NBEA: variants seen among roughly 807,000 people sequenced by gnomAD.
The protein encoded by NBEA is neurobeachin, also known as lysosomal-trafficking regulator 2.
Under a neutral mutation model 343.4 loss-of-function variants are expected in NBEA, and 44 were observed. That is an observed-to-expected ratio of 0.13 (90% CI 0.10 to 0.16). NBEA has a LOEUF of 0.16. Ranked by LOEUF, NBEA falls within the 10% of genes least tolerant of loss-of-function variation. The pLI is 1.00. For missense variants in NBEA, 2,555 were observed against 3,631.3 expected (o/e 0.70, Z 7.62); for synonymous variants, 1,175 against 1,238.7 (o/e 0.95, Z 1.08).
At chr13:35,309,044 T>G (rs2037183839) in intron 35 of NBEA, among the ~76,000 whole-genome samples, 1 of 152,056 alleles carries the variant, frequency 6.6e-6, no homozygotes, top group Non-Finnish European at 1.5e-5. Context: ...ATTAAGTAAT[T>G]TGGAATGTAC....
intron 36 of NBEA, among the ~76,000 whole-genome samples, chr13:35,323,049 C>T (rs1472080609): frequency 6.6e-6 from 1 of 151,896 alleles, no homozygotes; most frequent in Non-Finnish European, 1.5e-5. Context: ...GGGGTTCTGC[C>T]ATGTTGCCCA....
intron 56 of NBEA, 27 bp from the exon 57 acceptor site, chr13:35,667,347 C>T (rs2085410816): frequency 1.2e-6 from 2 of 1,601,090 alleles, no homozygotes; most frequent in South Asian, 1.1e-5. Flanking sequence ...CCCAACTGAC[C>T]CTGGCATTGA....
chr13:35,594,724 C>T (rs147163818), intron 47 of NBEA, among the ~76,000 whole-genome samples: 1 of 151,852 alleles, frequency 6.6e-6, no homozygotes, highest in African/African-American at 2.4e-5. Context: ...AGAATTAATA[C>T]AGAAAATGGG....
intron 26 of NBEA, 88 bp downstream of exon 26, chr13:35,171,540 A>G (rs550272125): frequency 6.2e-4 from 645 of 1,035,810 alleles, no homozygotes; most frequent in Non-Finnish European, 8.4e-4. Context: ...TATTAATGAT[A>G]TAAGTTGATG....
At chr13:35,143,703 C>CTAAGCTTCTG (rs1215865003) in intron 18 of NBEA, among the ~76,000 whole-genome samples, 6 of 151,952 alleles carry the variant, frequency 3.9e-5, no homozygotes, top group African/African-American at 1.4e-4. Flanking sequence ...AAGGGAGATG[C>CTAAGCTTCTG]TAAGCTTCTG....
chr13:35,222,873 A>G (rs749686693), intron 33 of NBEA, among the ~76,000 whole-genome samples: 27 of 152,190 alleles, frequency 1.8e-4, no homozygotes, highest in Non-Finnish European at 3.7e-4. Flanking sequence ...TCACACCTGT[A>G]ATTCCAGCAC....
rs560490990 is a variant in NBEA, at chr13:35,440,507, C to T, written c.6304+8114C>T. Among the ~76,000 whole-genome samples, 8 of 152,020 alleles carry T rather than the reference C, an allele frequency of 5.3e-5. No individual in the cohort carries two copies. The South Asian group carries it at 1.0e-3, about 20-fold the overall frequency. ...TGAAGAAATATATTTTAGCTGGAGT[C>T]GAAAGGATGAATGGAAGTCTTCCCA... On this transcript the variant is annotated intron_variant, in intron 39 of 58. Transcript: ENST00000379939.
At chr13:35,012,883 T>C (rs1301546209) in intron 1 of NBEA, among the ~76,000 whole-genome samples, 1 of 152,154 alleles carries the variant, frequency 6.6e-6, no homozygotes, top group East Asian at 1.9e-4. Flanking sequence ...AGAAATTTTG[T>C]AAGTAAGAGA....
intron 38 of NBEA, among the ~76,000 whole-genome samples, chr13:35,416,938 T>C (rs1235712011): frequency 6.6e-6 from 1 of 152,162 alleles, no homozygotes; most frequent in Non-Finnish European, 1.5e-5. Context: ...TATTCAGGGA[T>C]TGAACTTCTT....
intron 27 of NBEA, among the ~76,000 whole-genome samples, chr13:35,175,800 G>A (rs1349989892): frequency 6.6e-6 from 1 of 151,924 alleles, no homozygotes; most frequent in Non-Finnish European, 1.5e-5. Context: ...GAATGCAGTG[G>A]GAAAGTTTCT....
chr13:35,352,378 G>A, intron 38 of NBEA, 55 bp downstream of exon 38: 2 of 993,156 alleles, frequency 2.0e-6, no homozygotes, highest in Non-Finnish European at 2.7e-6. Flanking sequence ...TATAATAGTT[G>A]GTAATAAAAA....
At chr13:35,288,804 G>A (rs1300459890) in intron 34 of NBEA, among the ~76,000 whole-genome samples, 1 of 151,796 alleles carries the variant, frequency 6.6e-6, no homozygotes, top group East Asian at 1.9e-4. Flanking sequence ...ATGATCCTTT[G>A]GCCTTTTACT....
At chr13:34,985,003 T>C (rs979344775) in intron 1 of NBEA, among the ~76,000 whole-genome samples, 2 of 151,094 alleles carry the variant, frequency 1.3e-5, no homozygotes, top group East Asian at 3.9e-4. Context: ...ATTTGACTTC[T>C]TCTTTTCCTA....
rs547833980 is a variant in NBEA, at chr13:35,153,870, A to G, written c.2446-1904A>G. ...TTTCTTGGATCTCATCCACTGGGCT[A>G]TAGGTACACACCAGGGTCTTCGGGG... On this transcript the variant is annotated intron_variant, in intron 18 of 58. Coordinates refer to ENST00000379939, the MANE Select transcript of NBEA (RefSeq NM_001385012.1). Among the ~76,000 whole-genome samples, 247 of 152,308 alleles carry G rather than the reference A, an allele frequency of 1.6e-3. 1 individual carries two copies. The highest frequency in any genetic ancestry group is 5.8e-3 in the African/African-American group (239 of 41,558).
At chr13:35,487,739 GTAT>G (rs1256022387) in intron 41 of NBEA, among the ~76,000 whole-genome samples, 1 of 151,864 alleles carries the variant, frequency 6.6e-6, no homozygotes, top group Non-Finnish European at 1.5e-5. Flanking sequence ...CTTCTGAATA[GTAT>G]TATCCCTTTA....
At chr13:35,451,784 C>A (rs1272518275) in intron 39 of NBEA, among the ~76,000 whole-genome samples, 1 of 152,164 alleles carries the variant, frequency 6.6e-6, no homozygotes, top group Non-Finnish European at 1.5e-5. Flanking sequence ...AGACATGGAT[C>A]TTCGAGTCCT....
At chr13:35,567,285 G>A (rs2080180723) in intron 45 of NBEA, among the ~76,000 whole-genome samples, 1 of 152,140 alleles carries the variant, frequency 6.6e-6, no homozygotes, top group African/African-American at 2.4e-5. Flanking sequence ...AGGCTTTAAA[G>A]TCAAGGTTAA....
At position 35,196,250 on chromosome 13, in the gene NBEA, T is replaced by C. The variant is rs374933182; in HGVS notation, c.5314T>C (p.Leu1772=). 32 of 1,613,408 alleles carry C rather than the reference T, an allele frequency of 2.0e-5. No homozygotes were observed. The highest frequency in any genetic ancestry group is 1.2e-4 in the South Asian group (11 of 91,070). Residue 1772 remains leucine (L), a synonymous_variant, in exon 31 of 59, where the codon TTG becomes CTG. Transcript: ENST00000379939. ...PEPIPYPDPA[L]KRETQAILPM... is the part of the protein sequence containing the mutation. Reference sequence around the variant, plus strand: ...ACCTATCCCATACCCAGATCCAGCATTGAAGAGAGAAACACAAGCTATTCT... The same window carrying C: ...ACCTATCCCATACCCAGATCCAGCACTGAAGAGAGAAACACAAGCTATTCT...
chr13:35,013,967 T>A (rs1193470303), intron 1 of NBEA, among the ~76,000 whole-genome samples: 1 of 152,174 alleles, frequency 6.6e-6, no homozygotes, highest in Non-Finnish European at 1.5e-5. Flanking sequence ...TCAGTTTTGC[T>A]TTTTAGAAAT....
Sources: allele counts gnomAD v4.1 joint callset (sites outside exome capture counted in the v4.1 genomes callset), GRCh38; gene constraint gnomAD v4.1.1; transcripts MANE v1.5; gene names NCBI Gene and HGNC (gene_info 2026-07-23, HGNC 2026-07-21).